Variants in SEMA3E observed in about 807,000 individuals in gnomAD.
SEMA3E encodes the protein semaphorin-3E.
SEMA3E carries 49 observed loss-of-function variants against 93.6 expected under a neutral mutation model. The ratio of observed to expected loss-of-function variants is 0.52; its 90% CI spans 0.42 to 0.66. The LOEUF (loss-of-function observed/expected upper bound fraction) is 0.66. SEMA3E is among the 30% of genes least tolerant of loss of function. The pLI, the probability that SEMA3E is intolerant of heterozygous loss-of-function variation, is 0.00. For missense variants in SEMA3E, 906 were observed against 964.8 expected (o/e 0.94, Z 0.81); for synonymous variants, 363 against 330.7 (o/e 1.10, Z -1.06).
At chr7:83,540,835 G>A (rs1791517019) in intron 1 of SEMA3E, among the ~76,000 whole-genome samples, 1 of 152,158 alleles carries the variant, frequency 6.6e-6, no homozygotes, top group African/African-American at 2.4e-5. Context: ...CATTTAATGA[G>A]GTTATGAAAT....
At chr7:83,501,781 AT>A (rs1790602293) in intron 1 of SEMA3E, among the ~76,000 whole-genome samples, 1 of 152,190 alleles carries the variant, frequency 6.6e-6, no homozygotes. Flanking sequence ...CAAAAACTTT[AT>A]TGATCTTTGG....
chr7:83,435,578 A>G (rs1788987752), intron 4 of SEMA3E, among the ~76,000 whole-genome samples: 1 of 152,194 alleles, frequency 6.6e-6, no homozygotes, highest in Non-Finnish European at 1.5e-5. Flanking sequence ...CGTGGGAGAC[A>G]GAGCGAACCT....
chr7:83,596,898 G>T (rs1281038794), intron 1 of SEMA3E, among the ~76,000 whole-genome samples: 1 of 152,014 alleles, frequency 6.6e-6, no homozygotes, highest in African/African-American at 2.4e-5. Context: ...AACTTCCTAA[G>T]GGCAAGGTTT....
intron 1 of SEMA3E, among the ~76,000 whole-genome samples, chr7:83,556,878 C>CT (rs1391793285): frequency 6.6e-6 from 1 of 152,106 alleles, no homozygotes. Context: ...CTTTCTGGCC[C>CT]TTTTACCTTT....
intron 16 of SEMA3E, chr7:83,372,545 G>A (rs1794762997): frequency 6.5e-6 from 2 of 306,656 alleles, no homozygotes; most frequent in South Asian, 3.2e-4. Context: ...AGTTAAAAAA[G>A]CAGGGTTTAA....
intron 4 of SEMA3E, among the ~76,000 whole-genome samples, chr7:83,430,300 A>C (rs1230783838): frequency 6.6e-6 from 1 of 152,054 alleles, no homozygotes; most frequent in East Asian, 1.9e-4. Flanking sequence ...ACCTGTCTCT[A>C]CTTAAAACAC....
intron 1 of SEMA3E, among the ~76,000 whole-genome samples, chr7:83,586,211 A>G (rs1169307163): frequency 6.6e-6 from 1 of 152,190 alleles, no homozygotes; most frequent in Non-Finnish European, 1.5e-5. Context: ...GAATTACTTG[A>G]GCTCAAATTG....
intron 1 of SEMA3E, among the ~76,000 whole-genome samples, chr7:83,638,398 T>A (rs1004424129): frequency 1.3e-5 from 2 of 152,182 alleles, no homozygotes; most frequent in Admixed American, 6.5e-5. Flanking sequence ...CTTTGAGACA[T>A]GGAAGAATTT....
chr7:83,518,289 T>G (rs1008021685), intron 1 of SEMA3E, among the ~76,000 whole-genome samples: 1 of 151,932 alleles, frequency 6.6e-6, no homozygotes, highest in African/African-American at 2.4e-5. Context: ...ATTAACGTGT[T>G]CATTTGCCAA....
At chr7:83,406,413 A>G (rs966461992) in intron 7 of SEMA3E, among the ~76,000 whole-genome samples, 5 of 151,958 alleles carry the variant, frequency 3.3e-5, no homozygotes, top group African/African-American at 1.2e-4. Context: ...TCAGGAATAT[A>G]GAAACACCCA....
At chr7:83,482,550 G>C (rs1584279151) in intron 2 of SEMA3E, among the ~76,000 whole-genome samples, 1 of 108,894 alleles carries the variant, frequency 9.2e-6, no homozygotes, top group African/African-American at 3.8e-5. Flanking sequence ...GCGCGACAGA[G>C]CCACACTCCG....
At chr7:83,409,723 A>C (rs1788402882) in intron 5 of SEMA3E, among the ~76,000 whole-genome samples, 1 of 151,770 alleles carries the variant, frequency 6.6e-6, no homozygotes, top group African/African-American at 2.4e-5. Flanking sequence ...CCAAATATAT[A>C]AACAGAATTT....
intron 1 of SEMA3E, among the ~76,000 whole-genome samples, chr7:83,527,800 T>A (rs1031828830): frequency 4.3e-4 from 65 of 151,942 alleles, no homozygotes; most frequent in African/African-American, 1.5e-3. Context: ...TTTGTTGTCA[T>A]TAGTGATATT....
intron 1 of SEMA3E, among the ~76,000 whole-genome samples, chr7:83,622,641 T>C (rs1584370655): frequency 6.6e-6 from 1 of 152,220 alleles, no homozygotes; most frequent in Non-Finnish European, 1.5e-5. Context: ...CATGGAATAC[T>C]ATGCAGCCGT....
At position 83,484,169 on chromosome 7, in the gene SEMA3E, G is replaced by A. The variant is rs552829486; in HGVS notation, c.276+5945C>T. ...CTGTTTCTCTATCAGATATGGTGGT[G>A]GCTTTTTTACTCTAAACCCACATGT... On this transcript the variant is annotated intron_variant, in intron 2 of 16. Coordinates refer to ENST00000643230, the MANE Select transcript of SEMA3E (RefSeq NM_012431.3). Among the ~76,000 whole-genome samples the A allele has an allele frequency of 2.6e-5, 4 of 152,178 alleles. No homozygotes were observed. In the East Asian group the frequency reaches 7.7e-4, roughly 29 times the overall value.
At chr7:83,534,814 G>A (rs1305519776) in intron 1 of SEMA3E, among the ~76,000 whole-genome samples, 4 of 152,152 alleles carry the variant, frequency 2.6e-5, no homozygotes, top group Non-Finnish European at 4.4e-5. Flanking sequence ...TTTACAGAAA[G>A]CCTGCCAATT....
At position 83,637,136 on chromosome 7, in the gene SEMA3E, T is replaced by C. The variant is rs1199534520; in HGVS notation, c.115+11292A>G. Among the ~76,000 whole-genome samples, 5 of 152,156 alleles carry C rather than the reference T, an allele frequency of 3.3e-5. 1 individual carries two copies. The South Asian group carries it at 1.0e-3, about 32-fold the overall frequency. On this transcript the variant is annotated intron_variant, in intron 1 of 16. Coordinates refer to ENST00000643230, the MANE Select transcript of SEMA3E (RefSeq NM_012431.3). ...AGTACAGAGAGTTCCCCTATACCTA[T>C]ACCTAGCTTCCCTTGTTTACAATAT... is the stretch of plus-strand genomic sequence containing the variant.
At chr7:83,392,398 T>C (rs1388023817) in intron 14 of SEMA3E, among the ~76,000 whole-genome samples, 157 bp downstream of exon 14, 2 of 150,292 alleles carry the variant, frequency 1.3e-5, no homozygotes, top group Non-Finnish European at 3.0e-5. Context: ...CAAACCTGGG[T>C]GAAAAAATAA....
intron 1 of SEMA3E, among the ~76,000 whole-genome samples, chr7:83,515,864 C>A (rs1790916983): frequency 6.6e-6 from 1 of 151,992 alleles, no homozygotes; most frequent in Admixed American, 6.6e-5. Flanking sequence ...CACGTCTCCA[C>A]TAAAAATAAA....
Sources: gnomAD v4.1 joint callset for allele counts (sites outside exome capture counted in the v4.1 genomes callset) on GRCh38, gnomAD v4.1.1 for gene constraint, MANE v1.5 for transcripts, NCBI Gene and HGNC (gene_info 2026-07-23, HGNC 2026-07-21) for gene names.